NALCN: variants seen among roughly 807,000 people sequenced by gnomAD.
NALCN encodes the protein sodium leak channel, non-selective, also known as sodium leak channel NALCN.
Under a neutral mutation model 225.3 loss-of-function variants are expected in NALCN, and 111 were observed. The ratio of observed to expected loss-of-function variants is 0.49; its 90% CI spans 0.42 to 0.58. NALCN has a LOEUF of 0.58. NALCN is among the 20% of genes least tolerant of loss of function. NALCN has a pLI of 0.00. For missense variants in NALCN, 1,378 were observed against 2,202.4 expected (o/e 0.63, Z 7.49); for synonymous variants, 764 against 769.0 (o/e 0.99, Z 0.11).
intron 13 of NALCN, among the ~76,000 whole-genome samples, chr13:101,215,908 C>A (rs1255180310): frequency 6.6e-6 from 1 of 151,980 alleles, no homozygotes; most frequent in Non-Finnish European, 1.5e-5. Flanking sequence ...TTAGGACAGG[C>A]CCACACATGA....
chr13:101,306,128 G>A (rs774978793), intron 7 of NALCN, among the ~76,000 whole-genome samples: 11 of 152,092 alleles, frequency 7.2e-5, no homozygotes, highest in Non-Finnish European at 1.2e-4. Flanking sequence ...TAATTTCCAT[G>A]AATGGTGCCC....
intron 7 of NALCN, among the ~76,000 whole-genome samples, chr13:101,334,932 A>C (rs1214643004): frequency 2.0e-5 from 3 of 152,186 alleles, no homozygotes. Context: ...ATATGGCAGA[A>C]TTTATTACTT....
intron 12 of NALCN, among the ~76,000 whole-genome samples, chr13:101,235,541 C>A (rs1283718986): frequency 5.3e-5 from 8 of 152,144 alleles, no homozygotes; most frequent in Admixed American, 2.0e-4. Context: ...GAGAGCAGTG[C>A]ACAAGAGCTT....
intron 12 of NALCN, among the ~76,000 whole-genome samples, chr13:101,230,555 A>G (rs753319764): frequency 4.6e-5 from 7 of 152,176 alleles, no homozygotes; most frequent in Non-Finnish European, 8.8e-5. Context: ...TTGGTGCATT[A>G]AGTTAAACTT....
Position 101,107,681 on chromosome 13 carries a change from A to C in NALCN, c.2456+17T>G. ...CATTCCCGAATGAGAGCCATGGGAC[A>C]CTGCAGCAACCTGTACCTTTTCATC... is the stretch of plus-strand genomic sequence containing the variant. On this transcript the variant is annotated intron_variant, in intron 21 of 43. Coordinates refer to ENST00000251127, the MANE Select transcript of NALCN (RefSeq NM_052867.4). The C allele has an allele frequency of 6.2e-7, 1 of 1,614,012 alleles. No individual in the cohort carries two copies. The highest frequency in any genetic ancestry group is 1.1e-5 in the South Asian group (1 of 91,082).
chr13:101,133,886 T>C (rs1434972873), intron 17 of NALCN, among the ~76,000 whole-genome samples: 2 of 152,148 alleles, frequency 1.3e-5, no homozygotes, highest in Non-Finnish European at 2.9e-5. Context: ...TTTCTTATTG[T>C]AGGCCAGGTG....
At position 101,360,185 on chromosome 13, in the gene NALCN, TCTTCCTCTC is replaced by T. The variant is rs2046202805; in HGVS notation, c.645-14774_645-14766del. On this transcript the variant is annotated intron_variant, in intron 6 of 43. Coordinates refer to ENST00000251127, the MANE Select transcript of NALCN (RefSeq NM_052867.4). ...CTTTCTCTTTCTTCCTCTCTTCCTC[TCTTCCTCTC>T]TCTCTCTCTCTCTCTCTCTCTCTCT... Among the ~76,000 whole-genome samples, 5 of 101,552 alleles carry T rather than the reference TCTTCCTCTC, an allele frequency of 4.9e-5. No homozygotes were observed. In the Admixed American group the frequency reaches 5.1e-4, roughly 10 times the overall value. The allele number at this position is 101,552 out of a possible 152,430, so 66.6% of individuals were successfully genotyped here. A position where few individuals can be genotyped will look rare whatever the true frequency, so the allele number is the denominator to read the frequency against.
In NALCN at chr13:101,110,666, T is replaced by G; in HGVS notation, c.2317A>C (p.Ser773Arg). 1 of 1,614,134 alleles carries G rather than the reference T, an allele frequency of 6.2e-7. No homozygotes were observed. Among genetic ancestry groups the G allele is most frequent in the Non-Finnish European group, 8.5e-7 (1 of 1,179,970 alleles). The change falls in exon 20 of 44, where the codon AGC (serine) becomes CGC (arginine). Residue 773 changes from serine (S) to arginine (R), a missense_variant. Transcript: ENST00000251127. The stretch of plus-strand genomic sequence containing the variant: ...GATTTTCCCCTGCTGATCCTCTGGC[T>G]GTTTGATCCATGTCTTAGTGACCTA... The part of the protein sequence containing the change: ...ERRSLRHGSN[S>R]QRISRGKSLE...
At chr13:101,097,563 C>T (rs1289919321) in intron 27 of NALCN, among the ~76,000 whole-genome samples, 1 of 152,192 alleles carries the variant, frequency 6.6e-6, no homozygotes, top group Non-Finnish European at 1.5e-5. Flanking sequence ...TGCTTCTCCA[C>T]TTATTAGGTG....
chr13:101,096,589 T>C (rs585994), intron 27 of NALCN, among the ~76,000 whole-genome samples: 104,709 of 151,964 alleles, frequency 0.69, 36,455 homozygotes, highest in South Asian at 0.72. Flanking sequence ...ATGGGGGTAA[T>C]AGTTAAGAGA....
chr13:101,089,558 T>G lies in NALCN; in HGVS notation c.3489+105A>C. On this transcript the variant is annotated intron_variant, in intron 30 of 43. Coordinates refer to ENST00000251127, the MANE Select transcript of NALCN (RefSeq NM_052867.4). This position sits in a 1 kb window ranked among gnomAD's most constrained non-coding sequence, Gnocchi z 4.7. ...TAGAGATTATTTACACCAGTCACAT[T>G]ACAGTTTAAAGCGGCTTCACGCCGC... The G allele has an allele frequency of 1.1e-6, 1 of 912,078 alleles. No individual in the cohort carries two copies. Among genetic ancestry groups the G allele is most frequent in the Non-Finnish European group, 1.7e-6 (1 of 589,156 alleles). 56.5% of individuals were successfully genotyped at this position (912,078 alleles called of 1,614,324 possible).
intron 12 of NALCN, 50 bp downstream of exon 12, chr13:101,237,705 C>T: frequency 3.1e-6 from 4 of 1,280,482 alleles, no homozygotes; most frequent in South Asian, 1.6e-5. Context: ...CAGGTATTTA[C>T]TCTGGAAATA....
At chr13:101,384,338 G>A (rs1469431321) in intron 3 of NALCN, among the ~76,000 whole-genome samples, 1 of 152,096 alleles carries the variant, frequency 6.6e-6, no homozygotes, top group African/African-American at 2.4e-5. Context: ...CTGAGGAGAG[G>A]AGTGCTTCAA....
At chr13:101,147,348 CTCTCTCTTT>C (rs1161606835) in intron 15 of NALCN, among the ~76,000 whole-genome samples, 73 of 143,828 alleles carry the variant, frequency 5.1e-4, no homozygotes, top group African/African-American at 1.8e-3. Flanking sequence ...TTCTTCCTCT[CTCTCTCTTT>C]TTTTTTTTTT....
intron 15 of NALCN, among the ~76,000 whole-genome samples, chr13:101,173,604 A>T (rs1290369638): frequency 1.3e-5 from 2 of 152,212 alleles, no homozygotes; most frequent in South Asian, 4.1e-4. Context: ...CACCATAGCT[A>T]TGAGAATCTA....
intron 10 of NALCN, among the ~76,000 whole-genome samples, chr13:101,263,396 T>C (rs1220195935): frequency 1.3e-5 from 2 of 152,252 alleles, no homozygotes; most frequent in Non-Finnish European, 2.9e-5. Context: ...TTAAATTCCA[T>C]TACTATTATT....
At chr13:101,271,426 T>G (rs2042771340) in intron 10 of NALCN, among the ~76,000 whole-genome samples, 2 of 152,142 alleles carry the variant, frequency 1.3e-5, no homozygotes, top group African/African-American at 4.8e-5. Context: ...TAGGCCTTTT[T>G]CAAGTAGCAT....
chr13:101,363,266 A>C (rs1235996576), intron 6 of NALCN, among the ~76,000 whole-genome samples: 1 of 152,156 alleles, frequency 6.6e-6, no homozygotes, highest in Non-Finnish European at 1.5e-5. Flanking sequence ...AACACAAAAG[A>C]TTCTGAATAG....
intron 43 of NALCN, 65 bp downstream of exon 43, chr13:101,057,874 C>CTTT: frequency 7.7e-7 from 1 of 1,304,196 alleles, no homozygotes; most frequent in South Asian, 1.2e-5. Context: ...AGACCCAAAA[C>CTTT]ACACAAACAG....
Sources: gnomAD v4.1 joint callset for allele counts (sites outside exome capture counted in the v4.1 genomes callset) on GRCh38, gnomAD v4.1.1 for gene constraint, Gnocchi (gnomAD v3.1) non-coding constraint, MANE v1.5 for transcripts, NCBI Gene and HGNC (gene_info 2026-07-23, HGNC 2026-07-21) for gene names.